TRMT11: variants seen among roughly 807,000 people sequenced by gnomAD.
The protein encoded by TRMT11 is tRNA (guanine(10)-N(2))-methyltransferase TRMT11.
In TRMT11, 53 loss-of-function variants were observed where a neutral mutation model predicts 62.8. The observed-to-expected ratio is 0.84, with a 90% CI of 0.68 to 1.06. TRMT11 has a LOEUF of 1.06. Among genes scored for constraint, TRMT11 ranks in the 50% least tolerant of loss-of-function variants. TRMT11 has a pLI of 0.00. For missense variants in TRMT11, 556 were observed against 553.4 expected, an observed-to-expected ratio of 1.00 and a Z score of -0.05; for synonymous variants, 188 against 190.3, an observed-to-expected ratio of 0.99 and a Z score of 0.10.
chr6:126,019,538 AATACTT>A (rs1206733634), intron 11 of TRMT11, among the ~76,000 whole-genome samples: 4 of 152,212 alleles, frequency 2.6e-5, no homozygotes, highest in Non-Finnish European at 5.9e-5. Flanking sequence ...TTAATAAAAA[AATACTT>A]TAAGTCAGTC....
intron 21 of TRMT11, among the ~76,000 whole-genome samples, chr6:126,124,901 C>CA (rs1470320749): frequency 6.6e-6 from 1 of 152,094 alleles, no homozygotes; most frequent in Admixed American, 6.6e-5. Flanking sequence ...AGGGTTTCAC[C>CA]ACCATCCTCA....
the TRMT11 span, among the ~76,000 whole-genome samples, chr6:126,234,176 T>C: frequency 1.3e-5 from 2 of 152,182 alleles, no homozygotes; most frequent in Non-Finnish European, 2.9e-5. Context: ...TTCTGTCATC[T>C]ACCGATTTGC....
intron 12 of TRMT11, among the ~76,000 whole-genome samples, chr6:126,026,958 C>A (rs1773269047): frequency 6.6e-6 from 1 of 151,358 alleles, no homozygotes; most frequent in South Asian, 2.1e-4. Context: ...GCCTGCCACC[C>A]CGTCCGGCTA....
intron 1 of TRMT11, among the ~76,000 whole-genome samples, chr6:126,193,291 A>C (rs1778624788): frequency 6.6e-6 from 1 of 151,496 alleles, no homozygotes; most frequent in Non-Finnish European, 1.5e-5. Context: ...CTCTGATTTT[A>C]TGTATTTGGG....
intron 12 of TRMT11, among the ~76,000 whole-genome samples, chr6:126,030,013 G>A (rs563085906): frequency 1.3e-5 from 2 of 152,086 alleles, no homozygotes; most frequent in East Asian, 3.9e-4. Context: ...ATAGATTTTA[G>A]GTAACTTACT....
At chr6:126,000,690 C>G (rs1269380280) in intron 7 of TRMT11, among the ~76,000 whole-genome samples, 1 of 152,080 alleles carries the variant, frequency 6.6e-6, no homozygotes, top group Non-Finnish European at 1.5e-5. Flanking sequence ...ACCACATATG[C>G]TTAGGAAGAA....
chr6:126,049,999 G>A (rs1258195911), intron 16 of TRMT11, among the ~76,000 whole-genome samples: 24 of 152,096 alleles, frequency 1.6e-4, no homozygotes, highest in Admixed American at 1.6e-3. Context: ...GGTAGGCTGG[G>A]GTCATGTTGC....
chr6:126,047,726 T>A (rs1776100060), intron 16 of TRMT11, among the ~76,000 whole-genome samples: 1 of 152,192 alleles, frequency 6.6e-6, no homozygotes, highest in South Asian at 2.1e-4. Context: ...CCAAAAGCGC[T>A]CGCCCAGCTC....
the TRMT11 span, among the ~76,000 whole-genome samples, chr6:126,236,593 C>T: frequency 1.3e-5 from 2 of 152,148 alleles, no homozygotes; most frequent in African/African-American, 2.4e-5. Flanking sequence ...AATGAATTTC[C>T]ATCCAGATAG....
intron 12 of TRMT11, among the ~76,000 whole-genome samples, chr6:126,024,637 A>C (rs1772706930): frequency 6.6e-6 from 1 of 152,236 alleles, no homozygotes; most frequent in Non-Finnish European, 1.5e-5. Context: ...CTTCAAATAC[A>C]GTCATATTGA....
At chr6:125,994,677 A>G (rs776544749) in intron 2 of TRMT11, among the ~76,000 whole-genome samples, 9 of 152,230 alleles carry the variant, frequency 5.9e-5, no homozygotes, top group Non-Finnish European at 1.0e-4. Context: ...TTGCAGCACT[A>G]TTCACAATAG....
intron 21 of TRMT11, among the ~76,000 whole-genome samples, chr6:126,171,861 G>A (rs536878021): frequency 1.3e-5 from 2 of 152,062 alleles, no homozygotes; most frequent in South Asian, 2.1e-4. Context: ...TAGGATTACG[G>A]GCAGCCTGCT....
At position 125,996,015 on chromosome 6, in the gene TRMT11, T is replaced by C. The variant is rs996314435; in HGVS notation, c.187T>C (p.Leu63=). ...SIPSEDIARN[L]MKRTVCAKSI... is the part of the protein sequence containing the mutation. ...TCCCTCTGAAGATATTGCAAGAAAT[T>C]TGATGAAACGGACAGTGTGTGCCAA... Residue 63 remains leucine, a synonymous_variant, in exon 3 of 13, where the codon TTG becomes CTG. Coordinates refer to ENST00000334379, the MANE Select transcript of TRMT11 (RefSeq NM_001031712.3). The C allele has an allele frequency of 6.2e-6, 10 of 1,612,154 alleles. No homozygotes were observed. The highest frequency in any genetic ancestry group is 3.3e-4 in the Middle Eastern group (2 of 6,072).
At chr6:126,089,250 A>G (rs1777247575) in intron 17 of TRMT11, among the ~76,000 whole-genome samples, 1 of 151,562 alleles carries the variant, frequency 6.6e-6, no homozygotes, top group Non-Finnish European at 1.5e-5. Context: ...AGTAGCTGGG[A>G]TTACAGGCGC....
At chr6:126,174,127 TC>T (rs1266790785), upstream of TRMT11, among the ~76,000 whole-genome samples, 3 of 152,172 alleles carry the variant, frequency 2.0e-5, no homozygotes, top group African/African-American at 7.2e-5. Context: ...TTCTGCAGCC[TC>T]TCACTCCCCA....
chr6:126,124,846 T>C (rs951372075), intron 21 of TRMT11, among the ~76,000 whole-genome samples: 1 of 152,084 alleles, frequency 6.6e-6, no homozygotes, highest in Admixed American at 6.6e-5. Flanking sequence ...GCTGGAGTTA[T>C]GTGATTGTTT....
downstream of TRMT11, among the ~76,000 whole-genome samples, chr6:126,203,841 A>T (rs1583908993): frequency 6.6e-6 from 1 of 152,214 alleles, no homozygotes; most frequent in Non-Finnish European, 1.5e-5. Context: ...ATGATTCATT[A>T]AAAAATCTAT....
chr6:126,258,131 C>T, the TRMT11 span: 1 of 827,388 alleles, frequency 1.2e-6, no homozygotes, highest in Non-Finnish European at 2.1e-6. Context: ...GTTGTGTCAG[C>T]TGCTCCATGA....
At chr6:126,118,399 C>T (rs1390899177) in intron 21 of TRMT11, among the ~76,000 whole-genome samples, 1 of 152,036 alleles carries the variant, frequency 6.6e-6, no homozygotes, top group Non-Finnish European at 1.5e-5. Flanking sequence ...TTAAAAAAAT[C>T]CCCCTTCCCA....
Sources: gnomAD v4.1 joint callset for allele counts (sites outside exome capture counted in the v4.1 genomes callset) on GRCh38, gnomAD v4.1.1 for gene constraint, MANE v1.5 for transcripts, NCBI Gene and HGNC (gene_info 2026-07-23, HGNC 2026-07-21) for gene names.